THSD7B: variants seen among roughly 807,000 people sequenced by gnomAD.
THSD7B encodes thrombospondin type-1 domain-containing protein 7B.
Under a neutral mutation model 213.6 loss-of-function variants are expected in THSD7B, and 138 were observed. The observed-to-expected ratio is 0.65, with a 90% CI of 0.56 to 0.74. The LOEUF (loss-of-function observed/expected upper bound fraction) is 0.74. THSD7B is among the 30% of genes least tolerant of loss of function. The pLI is 0.00. For synonymous variants in THSD7B, 742 were observed against 687.0 expected (o/e 1.08, Z -1.25); for missense variants, 1,931 against 1,991.5 (o/e 0.97, Z 0.58).
chr2:136,792,192 C>T (rs965614888), intron 1 of THSD7B, among the ~76,000 whole-genome samples: 1 of 151,932 alleles, frequency 6.6e-6, no homozygotes, highest in Non-Finnish European at 1.5e-5. Flanking sequence ...TAGAAGACTT[C>T]CATCACCCCC....
intron 7 of THSD7B, among the ~76,000 whole-genome samples, chr2:137,216,640 G>T (rs1229268347): frequency 6.6e-6 from 1 of 152,096 alleles, no homozygotes; most frequent in African/African-American, 2.4e-5. Context: ...TGGCATGCTC[G>T]GCAAAGATCC....
intron 2 of THSD7B, among the ~76,000 whole-genome samples, chr2:136,945,303 T>C (rs551012406): frequency 6.6e-6 from 1 of 152,264 alleles, no homozygotes; most frequent in East Asian, 1.9e-4. Flanking sequence ...CACTTGGTTC[T>C]TGCGCCATGG....
At chr2:137,545,557 C>T (rs780106635) in intron 15 of THSD7B, among the ~76,000 whole-genome samples, 3 of 151,864 alleles carry the variant, frequency 2.0e-5, no homozygotes, top group Non-Finnish European at 4.4e-5. Context: ...GGATAGGAAT[C>T]CAAGACAAGT....
intron 14 of THSD7B, among the ~76,000 whole-genome samples, chr2:137,433,363 C>CTT (rs369298212): frequency 2.1e-5 from 3 of 146,070 alleles, no homozygotes; most frequent in African/African-American, 2.5e-5. Context: ...ATTTTGTTTT[C>CTT]TTTTTTTTTT....
intron 12 of THSD7B, among the ~76,000 whole-genome samples, chr2:137,306,790 T>C (rs190920442): frequency 2.1e-3 from 315 of 152,228 alleles, no homozygotes; most frequent in Admixed American, 3.5e-3. Context: ...TGCCCAGGTA[T>C]GATTTTTAGC....
intron 7 of THSD7B, among the ~76,000 whole-genome samples, chr2:137,171,182 G>A (rs1680243102): frequency 6.6e-6 from 1 of 152,088 alleles, no homozygotes; most frequent in African/African-American, 2.4e-5. Flanking sequence ...CAAACCTAGA[G>A]ATTTCTTAAG....
rs148514458 is a variant in THSD7B at position 137,272,942 on chromosome 2, G to A, written c.2396+280G>A. Among the ~76,000 whole-genome samples the A allele has an allele frequency of 3.7e-3, 557 of 151,586 alleles. 6 individuals carry two copies. The highest frequency in any genetic ancestry group is 7.3e-3 in the Admixed American group (110 of 15,120). On this transcript the variant is annotated intron_variant, in intron 11 of 27. Transcript: ENST00000409968. ...GCAGTCCATTTTCAGGATCATGTTC[G>A]AAAGAGATTCAGGATGAGATTTTTA... is the stretch of plus-strand genomic sequence containing the variant.
At chr2:137,410,797 A>G (rs1292390113) in intron 13 of THSD7B, among the ~76,000 whole-genome samples, 1 of 152,254 alleles carries the variant, frequency 6.6e-6, no homozygotes, top group African/African-American at 2.4e-5. Flanking sequence ...TGACTCATTA[A>G]TGAGAAAACA....
intron 1 of THSD7B, among the ~76,000 whole-genome samples, chr2:136,874,301 G>T (rs72979567): frequency 0.08 from 12,224 of 152,186 alleles, 643 homozygotes; most frequent in Middle Eastern, 0.18. Flanking sequence ...TAACTACTTT[G>T]CAGGGCTGTG....
At chr2:137,565,870 C>T (rs1681227106) in intron 16 of THSD7B, among the ~76,000 whole-genome samples, 1 of 152,136 alleles carries the variant, frequency 6.6e-6, no homozygotes, top group African/African-American at 2.4e-5. Flanking sequence ...ATGGCTCCAT[C>T]TCCAATCAAC....
chr2:136,956,425 C>T (rs1685124340), intron 2 of THSD7B, among the ~76,000 whole-genome samples: 1 of 152,094 alleles, frequency 6.6e-6, no homozygotes, highest in Non-Finnish European at 1.5e-5. Flanking sequence ...TGACCAATAG[C>T]CCCGTGTCTC....
intron 2 of THSD7B, 132 bp downstream of exon 2, chr2:136,882,449 T>A: frequency 9.8e-7 from 1 of 1,015,534 alleles, no homozygotes; most frequent in Non-Finnish European, 1.3e-6. Flanking sequence ...TTTTTTAAAT[T>A]CTGCAGCTCA....
At chr2:137,019,714 T>G (rs1686408223) in intron 2 of THSD7B, among the ~76,000 whole-genome samples, 1 of 152,192 alleles carries the variant, frequency 6.6e-6, no homozygotes, top group Admixed American at 6.6e-5. Context: ...AATTATATTG[T>G]GAGCACCTAT....
chr2:136,971,431 A>G (rs1173265175), intron 2 of THSD7B, among the ~76,000 whole-genome samples: 1 of 152,158 alleles, frequency 6.6e-6, no homozygotes, highest in East Asian at 1.9e-4. Context: ...GAAAAATTGC[A>G]TTGAAATGTT....
intron 15 of THSD7B, among the ~76,000 whole-genome samples, chr2:137,520,388 G>GT (rs1373916803): frequency 6.6e-6 from 1 of 152,166 alleles, no homozygotes; most frequent in South Asian, 2.1e-4. Flanking sequence ...ACTAGGATAA[G>GT]CACTCTGTAT....
intron 3 of THSD7B, among the ~76,000 whole-genome samples, chr2:137,058,529 A>G (rs1460512084): frequency 6.6e-6 from 1 of 151,838 alleles, no homozygotes; most frequent in East Asian, 1.9e-4. Flanking sequence ...GTTCCTGTAT[A>G]CTCCCTGTCT....
At chr2:136,943,877 C>G (rs925104576) in intron 2 of THSD7B, among the ~76,000 whole-genome samples, 1 of 152,054 alleles carries the variant, frequency 6.6e-6, no homozygotes, top group Non-Finnish European at 1.5e-5. Context: ...GTGTCTCTAT[C>G]TCCTTCAGTT....
chr2:137,552,630 T>C (rs530491322), intron 15 of THSD7B, among the ~76,000 whole-genome samples: 1 of 152,344 alleles, frequency 6.6e-6, no homozygotes, highest in African/African-American at 2.4e-5. Flanking sequence ...GGCATATTTG[T>C]ACAGCTTGTG....
chr2:137,551,959 C>A (rs1460272007), intron 15 of THSD7B, among the ~76,000 whole-genome samples: 1 of 152,058 alleles, frequency 6.6e-6, no homozygotes, highest in Non-Finnish European at 1.5e-5. Context: ...CCAGTGCTAC[C>A]CTCTTGAGAG....
Sources: allele counts gnomAD v4.1 joint callset (sites outside exome capture counted in the v4.1 genomes callset), GRCh38; gene constraint gnomAD v4.1.1; transcripts MANE v1.5; gene names NCBI Gene and HGNC (gene_info 2026-07-23, HGNC 2026-07-21).